POLDIP3: variants seen among roughly 807,000 people sequenced by gnomAD.
POLDIP3 encodes the protein DNA polymerase delta interacting protein 3, also known as polymerase delta-interacting protein 3.
Under a neutral mutation model 45.1 loss-of-function variants are expected in POLDIP3, and 14 were observed. That is an observed-to-expected ratio of 0.31 (90% CI 0.20 to 0.49). The LOEUF (loss-of-function observed/expected upper bound fraction) is 0.49, where lower values mean the gene tolerates loss of function less well. Among genes scored for constraint, POLDIP3 ranks in the 20% least tolerant of loss-of-function variants. The pLI, the probability that POLDIP3 is intolerant of heterozygous loss-of-function variation, is 0.99. For synonymous variants in POLDIP3, 223 were observed against 205.2 expected, an observed-to-expected ratio of 1.09 and a Z score of -0.74; for missense variants, 511 against 538.8, an observed-to-expected ratio of 0.95 and a Z score of 0.51.
chr22:42,587,347 T>C (rs1260867527), intron 8 of POLDIP3, among the ~76,000 whole-genome samples, 159 bp downstream of exon 8: 1 of 152,046 alleles, frequency 6.6e-6, no homozygotes, highest in Admixed American at 6.5e-5. Context: ...AGCAAACCAT[T>C]TTGGTCAAGT....
At chr22:42,588,557 T>C (rs973703764) in intron 7 of POLDIP3, among the ~76,000 whole-genome samples, 1 of 151,578 alleles carries the variant, frequency 6.6e-6, no homozygotes, top group Non-Finnish European at 1.5e-5. Flanking sequence ...ATTGTCAGAT[T>C]GAATTCAAAT....
At chr22:42,587,204 G>A (rs765177369) in intron 8 of POLDIP3, among the ~76,000 whole-genome samples, 2 of 152,108 alleles carry the variant, frequency 1.3e-5, no homozygotes, top group African/African-American at 4.8e-5. Context: ...CTCTGTTCCC[G>A]GGATGATGCA....
intron 8 of POLDIP3, among the ~76,000 whole-genome samples, chr22:42,586,201 G>A (rs542451720): frequency 2.6e-5 from 4 of 152,248 alleles, no homozygotes; most frequent in East Asian, 1.9e-4. Context: ...GACTACAGGC[G>A]TGTACCACCA....
intron 3 of POLDIP3, among the ~76,000 whole-genome samples, chr22:42,600,496 T>G (rs1409266283): frequency 3.3e-5 from 5 of 151,662 alleles, no homozygotes; most frequent in Non-Finnish European, 7.4e-5. Context: ...CATGGTGGCA[T>G]GCGCCTGTAG....
At chr22:42,587,407 G>A (rs569454540) in intron 8 of POLDIP3, 99 bp downstream of exon 8, 2 of 1,217,694 alleles carry the variant, frequency 1.6e-6, no homozygotes, top group Admixed American at 1.9e-5. Flanking sequence ...AAACGGAATG[G>A]GGGGATGAAG....
At chr22:42,588,067 C>CAT (rs1025915574) in intron 7 of POLDIP3, among the ~76,000 whole-genome samples, 2 of 152,086 alleles carry the variant, frequency 1.3e-5, no homozygotes, top group African/African-American at 4.8e-5. Context: ...GTAACATTTC[C>CAT]ATATCTTACT....
rs755224574 is a variant in POLDIP3, at chr22:42,591,959, C to G, written c.1017G>C (p.Leu339=). ...TAYKKYNNRC[L]DGQPMKCNLH... is the part of the protein sequence containing the mutation. ...ACTGCTTTCTCCCTAACTTACCGTC[C>G]AGACACCGGTTGTTGTACTTCTTAT... is the stretch of plus-strand genomic sequence containing the variant. The change falls in exon 7 of 9, where the codon CTG becomes CTC. Residue 339 remains leucine, a synonymous_variant. Transcript: ENST00000252115. 3 of 1,614,216 alleles carry G rather than the reference C, an allele frequency of 1.9e-6. No individual in the cohort carries two copies. Among genetic ancestry groups the G allele is most frequent in the Non-Finnish European group, 2.5e-6 (3 of 1,180,024 alleles).
chr22:42,589,687 T>C (rs1016887935), intron 7 of POLDIP3, among the ~76,000 whole-genome samples: 2 of 151,128 alleles, frequency 1.3e-5, no homozygotes, highest in African/African-American at 4.9e-5. Flanking sequence ...CTACGAAAAA[T>C]ACAAATATTA....
chr22:42,592,127 A>G lies in POLDIP3; in HGVS notation c.892-43T>C. The stretch of plus-strand genomic sequence containing the variant: ...GGTTGGGATTGGGGAAGGATTTCTC[A>G]GCACCTGCCGCTCACACACTCTGAA... On this transcript the variant is annotated intron_variant, in intron 6 of 8. Coordinates refer to ENST00000252115, the MANE Select transcript of POLDIP3 (RefSeq NM_032311.5). The G allele has an allele frequency of 1.9e-6, 3 of 1,611,768 alleles. 1 individual carries two copies. The South Asian group carries it at 3.3e-5, about 18-fold the overall frequency.
chr22:42,600,531 C>G (rs919040305), intron 3 of POLDIP3, among the ~76,000 whole-genome samples: 12 of 151,666 alleles, frequency 7.9e-5, no homozygotes, highest in African/African-American at 2.2e-4. Flanking sequence ...GAGGCTGAGG[C>G]AGGAGAATGG....
chr22:42,608,984 C>T (rs990221235), intron 1 of POLDIP3, among the ~76,000 whole-genome samples: 1 of 152,236 alleles, frequency 6.6e-6, no homozygotes, highest in African/African-American at 2.4e-5. Flanking sequence ...GACAGCTATT[C>T]ATCCCAGCAG....
intron 6 of POLDIP3, among the ~76,000 whole-genome samples, chr22:42,594,771 G>A (rs958181592): frequency 6.6e-6 from 1 of 152,222 alleles, no homozygotes; most frequent in South Asian, 2.1e-4. Context: ...ACTGCCATGG[G>A]TGGGACGGGA....
At chr22:42,600,142 A>G (rs550167988) in intron 3 of POLDIP3, among the ~76,000 whole-genome samples, 141 of 152,362 alleles carry the variant, frequency 9.3e-4, no homozygotes, top group Admixed American at 2.4e-3. Flanking sequence ...CCCTAGAAAG[A>G]GCTTTATTTA....
intron 1 of POLDIP3, among the ~76,000 whole-genome samples, chr22:42,607,971 C>T (rs1286786354): frequency 2.1e-5 from 3 of 143,750 alleles, no homozygotes; most frequent in South Asian, 2.3e-4. Flanking sequence ...CCGCCCTGTT[C>T]GGGAGGTGGG....
intron 4 of POLDIP3, chr22:42,597,550 C>T (rs1020256640): frequency 5.5e-6 from 2 of 363,326 alleles, no homozygotes; most frequent in Non-Finnish European, 1.1e-5. Flanking sequence ...TTTCACCTCT[C>T]CATGCCTGTC....
At chr22:42,596,462 G>T in intron 4 of POLDIP3, 97 bp from the exon 5 acceptor site, 1 of 1,182,410 alleles carries the variant, frequency 8.5e-7, no homozygotes, top group Non-Finnish European at 1.2e-6. Context: ...ATGAACCCTC[G>T]ATGCCTCCCA....
At position 42,586,375 on chromosome 22, in the gene POLDIP3, G is replaced by A. The variant is rs1286243383; in HGVS notation, c.1089-407C>T. ...GACAGAATCTCACTCTGTCACCCAG[G>A]CTGAAGTGCAGTGGCATGATGATGG... On this transcript the variant is annotated intron_variant, in intron 8 of 8. Coordinates refer to ENST00000252115, the MANE Select transcript of POLDIP3 (RefSeq NM_032311.5). Among the ~76,000 whole-genome samples, 4 of 152,018 alleles carry A rather than the reference G, an allele frequency of 2.6e-5. No homozygotes were observed. In the East Asian group the frequency reaches 7.7e-4, roughly 29 times the overall value.
Position 42,601,903 on chromosome 22 carries a change from C to G in POLDIP3, c.537+67G>C. ...CACCCAAGTAGGCCTCATCAAAACA[C>G]GTGCACACCTACATGTTCGCTATGT... On this transcript the variant is annotated intron_variant, in intron 3 of 8. Transcript: ENST00000252115. 1.9e-6 allele frequency: 3 copies of G among 1,540,430 alleles called. No individual in the cohort carries two copies. In the South Asian group the frequency reaches 3.7e-5, roughly 19 times the overall value.
intron 1 of POLDIP3, among the ~76,000 whole-genome samples, chr22:42,611,536 G>A (rs1308981209): frequency 2.0e-5 from 3 of 152,144 alleles, no homozygotes; most frequent in African/African-American, 7.2e-5. Flanking sequence ...AATTCTTCCT[G>A]GAATATCCAT....
Sources: gnomAD v4.1 joint callset for allele counts (sites outside exome capture counted in the v4.1 genomes callset) on GRCh38, gnomAD v4.1.1 for gene constraint, MANE v1.5 for transcripts, NCBI Gene and HGNC (gene_info 2026-07-23, HGNC 2026-07-21) for gene names.